ZFR2: variants seen among roughly 807,000 people sequenced by gnomAD.
The protein encoded by ZFR2 is zinc finger RNA binding protein 2.
In ZFR2, 104 loss-of-function variants were observed where a neutral mutation model predicts 105.7. That is an observed-to-expected ratio of 0.98 (90% CI 0.84 to 1.16). The LOEUF (loss-of-function observed/expected upper bound fraction) is 1.16, where lower values mean the gene tolerates loss of function less well. ZFR2 is among the 50% of genes most tolerant of loss of function. ZFR2 has a pLI of 0.00. For synonymous variants in ZFR2, 634 were observed against 597.7 expected (o/e 1.06, Z -0.89); for missense variants, 1,425 against 1,355.5 (o/e 1.05, Z -0.80).
intron 11 of ZFR2, 109 bp from the exon 12 acceptor site, chr19:3,819,344 C>T (rs1599226377): frequency 1.1e-5 from 13 of 1,186,310 alleles, no homozygotes; most frequent in East Asian, 5.5e-5. Flanking sequence ...GGTTACGAGG[C>T]GGCAGCGTGG....
intron 1 of ZFR2, among the ~76,000 whole-genome samples, chr19:3,850,900 CA>C (rs59933286): frequency 0.11 from 10,401 of 91,682 alleles, 250 homozygotes; most frequent in African/African-American, 0.23. Context: ...GCAGTCTTTT[CA>C]AAAAAAAAAA....
intron 18 of ZFR2, among the ~76,000 whole-genome samples, chr19:3,806,654 C>G (rs574883464): frequency 6.8e-6 from 1 of 147,312 alleles, no homozygotes; most frequent in Non-Finnish European, 1.5e-5. Flanking sequence ...TCCCAGGAGG[C>G]CCCCCCGCTC....
At chr19:3,837,850 A>G (rs1245063725) in intron 1 of ZFR2, among the ~76,000 whole-genome samples, 2 of 152,174 alleles carry the variant, frequency 1.3e-5, no homozygotes, top group Admixed American at 6.5e-5. Flanking sequence ...GTGACACTCA[A>G]TGAACACCAT....
At chr19:3,843,722 C>T (rs1315964575) in intron 1 of ZFR2, among the ~76,000 whole-genome samples, 2 of 151,186 alleles carry the variant, frequency 1.3e-5, no homozygotes, top group African/African-American at 4.9e-5. Flanking sequence ...GTAGTCCCAG[C>T]TACTAGGGAG....
At chr19:3,848,776 G>A (rs556008202) in intron 1 of ZFR2, among the ~76,000 whole-genome samples, 122 of 151,958 alleles carry the variant, frequency 8.0e-4, no homozygotes, top group Middle Eastern at 3.4e-3. Context: ...CGGATCACGA[G>A]GTCAGGAGAT....
intron 1 of ZFR2, among the ~76,000 whole-genome samples, chr19:3,849,913 G>C (rs1405803589): frequency 1.3e-5 from 2 of 152,196 alleles, no homozygotes; most frequent in African/African-American, 2.4e-5. Context: ...ATCCCTGCTG[G>C]CCTGCAGGGC....
At chr19:3,814,088 G>A in intron 13 of ZFR2, 130 bp from the exon 14 acceptor site, 1 of 1,342,782 alleles carries the variant, frequency 7.4e-7, no homozygotes, top group African/African-American at 1.5e-5. Flanking sequence ...TGGGTGCCGG[G>A]CCCTGTGCCC....
At chr19:3,836,966 G>A (rs754814624) in intron 1 of ZFR2, among the ~76,000 whole-genome samples, 1 of 152,182 alleles carries the variant, frequency 6.6e-6, no homozygotes, top group African/African-American at 2.4e-5. Flanking sequence ...AAGGAGCAAG[G>A]TATGAGGGTC....
intron 1 of ZFR2, among the ~76,000 whole-genome samples, chr19:3,850,451 C>T (rs185285611): frequency 1.9e-4 from 29 of 152,144 alleles, no homozygotes; most frequent in Non-Finnish European, 2.8e-4. Flanking sequence ...TGAATTACGT[C>T]CCCCTGCCCC....
At chr19:3,849,944 T>C (rs777853572) in intron 1 of ZFR2, among the ~76,000 whole-genome samples, 7 of 152,064 alleles carry the variant, frequency 4.6e-5, no homozygotes, top group Non-Finnish European at 1.0e-4. Context: ...GGTTTCAGTG[T>C]TACACCCTGT....
chr19:3,835,579 C>T (rs545938340), intron 1 of ZFR2, among the ~76,000 whole-genome samples: 4 of 150,754 alleles, frequency 2.7e-5, no homozygotes, highest in South Asian at 2.1e-4. Context: ...ATGATCTGGC[C>T]GCCTCGGCCT....
chr19:3,810,763 G>GC lies in ZFR2; in HGVS notation c.2419dup (p.Ala807GlyfsTer173), dbSNP rs565330597. On this transcript the variant is annotated frameshift_variant, in exon 16 of 19. Transcript: ENST00000262961. LOFTEE classifies it high-confidence loss of function. Reference sequence around the variant, plus strand: ...GCACTGCCTTACCCAGGCTGGCAGGGCCCCCCAGGTGGGCACACGCCGGCA... The same window carrying GC: ...GCACTGCCTTACCCAGGCTGGCAGGGCCCCCCCAGGTGGGCACACGCCGGCA... 2 of 1,549,242 alleles carry GC rather than the reference G, an allele frequency of 1.3e-6. No individual in the cohort carries two copies. The highest frequency in any genetic ancestry group is 2.0e-5 in the Admixed American group (1 of 50,914).
At chr19:3,854,642 G>C (rs977921796) in intron 1 of ZFR2, among the ~76,000 whole-genome samples, 3 of 152,264 alleles carry the variant, frequency 2.0e-5, no homozygotes, top group Non-Finnish European at 4.4e-5. Flanking sequence ...CAGGGGTCTT[G>C]ATGTAGAGCA....
Position 3,825,324 on chromosome 19 carries a change from C to T in ZFR2, c.1119G>A (p.Glu373=). The change falls in exon 7 of 19, where the codon GAG becomes GAA. Residue 373 remains glutamate (E), a synonymous_variant. Coordinates refer to ENST00000262961, the MANE Select transcript of ZFR2 (RefSeq NM_015174.2). The part of the protein sequence containing the change: ...ALATESPPGA[E]AKPTSPTGPS... ...GGCCAGTGGGGGACGTGGGCTTGGCCTCTGCCCCGGGGGGGCTCTCTGTGG... is the reference window on the plus strand; with the variant it reads ...GGCCAGTGGGGGACGTGGGCTTGGCTTCTGCCCCGGGGGGGCTCTCTGTGG... 1 of 1,586,036 alleles carries T rather than the reference C, an allele frequency of 6.3e-7. No individual in the cohort carries two copies. The highest frequency in any genetic ancestry group is 8.5e-7 in the Non-Finnish European group (1 of 1,170,324).
chr19:3,860,999 G>A lies in ZFR2; in HGVS notation c.53+7966C>T, dbSNP rs145772428. Among the ~76,000 whole-genome samples, 268 of 152,142 alleles carry A rather than the reference G, an allele frequency of 1.8e-3. 1 individual carries two copies. The highest frequency in any genetic ancestry group is 6.2e-3 in the African/African-American group (256 of 41,512). The stretch of plus-strand genomic sequence containing the variant: ...GACACTCAAAACAACAGACACCACC[G>A]GCTCTTTATACATCCATGGCAAGGG... On this transcript the variant is annotated intron_variant, in intron 1 of 18. Transcript: ENST00000262961.
At chr19:3,835,165 G>A (rs560098869) in intron 1 of ZFR2, among the ~76,000 whole-genome samples, 182 bp from the exon 2 acceptor site, 60 of 152,244 alleles carry the variant, frequency 3.9e-4, no homozygotes, top group African/African-American at 1.4e-3. Context: ...TCACAACAAC[G>A]CTGTAATGCT....
intron 7 of ZFR2, among the ~76,000 whole-genome samples, chr19:3,824,367 A>G (rs979842099): frequency 9.9e-5 from 15 of 152,228 alleles, no homozygotes; most frequent in Non-Finnish European, 1.5e-4. Context: ...ATGCACACAA[A>G]GCAGTGAGCA....
rs908982858 is a variant in ZFR2 at position 3,813,760 on chromosome 19, G to A, written c.2242+60C>T. 6.3e-7 allele frequency: 1 copy of A among 1,597,962 alleles called. No individual in the cohort carries two copies. The highest frequency in any genetic ancestry group is 8.5e-7 in the Non-Finnish European group (1 of 1,171,030). ...CGGACGCTGCCCCAGGCCTGGGTGT[G>A]GGGAGCGCCCTGGGGAAGCGTGAGG... On this transcript the variant is annotated intron_variant, in intron 14 of 18. Transcript: ENST00000262961. The surrounding 1 kb of genome is among the most constrained non-coding windows in gnomAD (Gnocchi z 4.4).
rs1943485129 is a variant in ZFR2 at position 3,823,726 on chromosome 19, A to G, written c.1214-323T>C. On this transcript the variant is annotated intron_variant, in intron 7 of 18. Transcript: ENST00000262961. The surrounding 1 kb of genome is among the most constrained non-coding windows in gnomAD (Gnocchi z 5.4). ...AAGTATCAGGCGGACCAAGGCTCGCACTTAACCTACCCCCGTTAGGCGAAA... is the reference window on the plus strand; with the variant it reads ...AAGTATCAGGCGGACCAAGGCTCGCGCTTAACCTACCCCCGTTAGGCGAAA... 6.6e-6 allele frequency among the ~76,000 whole-genome samples: 1 copy of G among 152,198 alleles called. No individual in the cohort carries two copies. Among genetic ancestry groups the G allele is most frequent in the African/African-American group, 2.4e-5 (1 of 41,458 alleles).
Sources: allele counts gnomAD v4.1 joint callset (sites outside exome capture counted in the v4.1 genomes callset), GRCh38; gene constraint gnomAD v4.1.1; non-coding constraint Gnocchi (gnomAD v3.1); transcripts MANE v1.5; gene names NCBI Gene and HGNC (gene_info 2026-07-23, HGNC 2026-07-21).